FAM186A: variants seen among roughly 807,000 people sequenced by gnomAD.
FAM186A encodes the protein protein FAM186A.
In FAM186A, 163 loss-of-function variants were observed where a neutral mutation model predicts 216.8. That is an observed-to-expected ratio of 0.75 (90% CI 0.66 to 0.86). FAM186A has a LOEUF of 0.86. FAM186A is among the 40% of genes least tolerant of loss of function. The probability of loss-of-function intolerance (pLI) is 0.00; values close to 1 mark genes in which losing one functional copy is unlikely to be tolerated. For missense variants in FAM186A, 2,184 were observed against 2,746.2 expected (o/e 0.80, Z 4.58); for synonymous variants, 805 against 1,025.3 (o/e 0.79, Z 4.10).
In FAM186A at chr12:50,351,338, G is replaced by A. The variant is rs1380777623; in HGVS notation, c.5494C>T (p.Pro1832Ser). The part of the protein sequence containing the change: ...PGQLPISRAP[P>S]TPGQPFIAGV... ...GCTATAAAGGGCTGCCCTGGAGTGG[G>A]AGGGGCCCGAGATATTGGGAGCTGC... The change falls in exon 4 of 8, where the codon CCC (proline) becomes TCC (serine). Residue 1832 changes from proline to serine, a missense_variant. By Grantham distance (74) the Pro-to-Ser change is moderately conservative. Around this residue, in one of 7 missense-constraint regions of FAM186A, gnomAD observed 721 missense variants for 816.4 expected, o/e 0.88. Coordinates refer to ENST00000327337, the MANE Select transcript of FAM186A (RefSeq NM_001145475.3). 58 of 1,494,150 alleles carry A rather than the reference G, an allele frequency of 3.9e-5. No homozygotes were observed. Among genetic ancestry groups the A allele is most frequent in the Non-Finnish European group, 4.9e-5 (55 of 1,123,700 alleles). The allele number at this position is 1,494,150 out of a possible 1,614,324, so 92.6% of individuals were successfully genotyped here. A position where few individuals can be genotyped will look rare whatever the true frequency, so the allele number is the denominator to read the frequency against.
chr12:50,385,733 T>C (rs1943296982), intron 1 of FAM186A, among the ~76,000 whole-genome samples: 1 of 151,730 alleles, frequency 6.6e-6, no homozygotes, highest in Non-Finnish European at 1.5e-5. Context: ...AAACCCCGTC[T>C]CTACTAAAAA....
intron 1 of FAM186A, among the ~76,000 whole-genome samples, chr12:50,376,931 T>C (rs1400931555): frequency 6.6e-6 from 1 of 151,922 alleles, no homozygotes. Flanking sequence ...TTATTTTTTT[T>C]AGAGATGGGA....
At chr12:50,328,025 T>C (rs74090105) in intron 7 of FAM186A, among the ~76,000 whole-genome samples, 1 of 152,338 alleles carries the variant, frequency 6.6e-6, no homozygotes, top group African/African-American at 2.4e-5. Flanking sequence ...GACCTGTCTG[T>C]ATTTTTTAAA....
In FAM186A at chr12:50,353,072, TG is replaced by T. The variant is rs1942922252; in HGVS notation, c.3759del (p.Thr1254LeufsTer278). ...LTPQQAQALG[I>X]TLTPKQVQEL... ...TCCTGAACCTGCTTAGGGGTGAGAG[TG>T]ATTCCGAGAGCCTGCGCCTGCTGAG... is the stretch of plus-strand genomic sequence containing the variant. On this transcript the variant is annotated frameshift_variant, in exon 4 of 8. Coordinates refer to ENST00000327337, the MANE Select transcript of FAM186A (RefSeq NM_001145475.3). LOFTEE classifies it high-confidence loss of function. 1 of 1,438,354 alleles carries T rather than the reference TG, an allele frequency of 7.0e-7. No homozygotes were observed. Among genetic ancestry groups the T allele is most frequent in the South Asian group, 1.3e-5 (1 of 78,742 alleles). The allele number at this position is 1,438,354 out of a possible 1,614,324, so 89.1% of individuals were successfully genotyped here.
intron 1 of FAM186A, among the ~76,000 whole-genome samples, chr12:50,378,616 TTGTA>T (rs1943224130): frequency 1.6e-4 from 1 of 6,410 alleles, no homozygotes; most frequent in African/African-American, 1.9e-4. Flanking sequence ...CATATGTAAA[TTGTA>T]TATATATATA....
Position 50,353,681 on chromosome 12 carries a change from G to A in FAM186A, c.3151C>T (p.Pro1051Ser). Reference protein sequence around the residue: ...DEKEPISITPPPSLQYSLPGA... With the variant: ...DEKEPISITPSPSLQYSLPGA... ...GGCAGGGAGTATTGTAGGGAGGGGG[G>A]AGGTGTGATTGATATGGGCTCCTTT... Residue 1051 changes from proline (P) to serine (S), a missense_variant, in exon 4 of 8, where the codon CCC (proline) becomes TCC (serine). Around this residue, in one of 7 missense-constraint regions of FAM186A, gnomAD observed 1,132 missense variants for 1,263.4 expected, o/e 0.90. Transcript: ENST00000327337. 2 of 1,538,368 alleles carry A rather than the reference G, an allele frequency of 1.3e-6. No individual in the cohort carries two copies. Among genetic ancestry groups the A allele is most frequent in the South Asian group, 1.2e-5 (1 of 81,380 alleles).
chr12:50,389,003 C>T (rs886696366), intron 1 of FAM186A, among the ~76,000 whole-genome samples: 1 of 151,174 alleles, frequency 6.6e-6, no homozygotes, highest in South Asian at 2.1e-4. Flanking sequence ...TGCAGTGACA[C>T]GAGATCGTGC....
chr12:50,340,089 C>T (rs1169647389), intron 4 of FAM186A, among the ~76,000 whole-genome samples: 5 of 151,974 alleles, frequency 3.3e-5, no homozygotes, highest in African/African-American at 7.3e-5. Flanking sequence ...CCACCCACCT[C>T]GGCCTCCCAA....
rs1456770982 is a variant in FAM186A, at chr12:50,354,196, CTCTGTTGTTCTTGCTT to C, written c.2620_2635del (p.Lys874AlafsTer54). 1 of 1,551,560 alleles carries C rather than the reference CTCTGTTGTTCTTGCTT, an allele frequency of 6.4e-7. No homozygotes were observed. The highest frequency in any genetic ancestry group is 8.7e-7 in the Non-Finnish European group (1 of 1,147,008). On this transcript the variant is annotated frameshift_variant, in exon 4 of 8. Transcript: ENST00000327337. LOFTEE classifies it high-confidence loss of function. ...CTCTTCTTCCTGCCACTGTTTCTGG[CTCTGTTGTTCTTGCTT>C]TCCCTCCTTCATCTGGAGCCATGCC...
In FAM186A at chr12:50,352,488, G is replaced by T; in HGVS notation, c.4344C>A (p.Thr1448=). 6.7e-7 allele frequency: 1 copy of T among 1,498,606 alleles called. No individual in the cohort carries two copies. Among genetic ancestry groups the T allele is most frequent in the East Asian group, 2.8e-5 (1 of 36,308 alleles). The allele number at this position is 1,498,606 out of a possible 1,614,324, so 92.8% of individuals were successfully genotyped here. A position where few individuals can be genotyped will look rare whatever the true frequency, so the allele number is the denominator to read the frequency against. The change falls in exon 4 of 8, where the codon ACC becomes ACA. Residue 1448 remains threonine, a synonymous_variant. Coordinates refer to ENST00000327337, the MANE Select transcript of FAM186A (RefSeq NM_001145475.3). Reference sequence around the variant, plus strand: ...TCCCCAGCTCCTGAGCCTGCTGAGCGGTGAGAGGCATCCCCAGGGCCTGGG... The same window carrying T: ...TCCCCAGCTCCTGAGCCTGCTGAGCTGTGAGAGGCATCCCCAGGGCCTGGG... ...QQAQALGMPL[T]AQQAQELGIT...
intron 4 of FAM186A, among the ~76,000 whole-genome samples, chr12:50,347,116 C>T (rs1483799305): frequency 6.6e-6 from 1 of 151,934 alleles, no homozygotes; most frequent in South Asian, 2.1e-4. Context: ...CTTAAAACAA[C>T]AAAAAAATTC....
In FAM186A at chr12:50,354,806, T is replaced by G. The variant is rs1187347270; in HGVS notation, c.2026A>C (p.Ile676Leu). The stretch of plus-strand genomic sequence containing the variant: ...ATTTTCTGTTTTAGGAAAGCCATTA[T>G]GGCTTCCTGAAATTCTTCGAGGTTA... ...QSNLEEFQEA[I>L]MAFLKQKIDN... Residue 676 changes from isoleucine to leucine, a missense_variant, in exon 4 of 8, where the codon ATA becomes CTA. Around this residue, in one of 7 missense-constraint regions of FAM186A, gnomAD observed 1,132 missense variants for 1,263.4 expected, o/e 0.90. Coordinates refer to ENST00000327337, the MANE Select transcript of FAM186A (RefSeq NM_001145475.3). The G allele has an allele frequency of 6.5e-7, 1 of 1,535,924 alleles. No individual in the cohort carries two copies. The highest frequency in any genetic ancestry group is 8.7e-7 in the Non-Finnish European group (1 of 1,143,352).
chr12:50,376,977 G>A (rs1053186311), intron 1 of FAM186A, among the ~76,000 whole-genome samples: 1 of 151,882 alleles, frequency 6.6e-6, no homozygotes, highest in African/African-American at 2.4e-5. Context: ...TGAAACTCCT[G>A]GGCTCAAATG....
At chr12:50,333,171 G>C (rs546227168) in intron 5 of FAM186A, among the ~76,000 whole-genome samples, 1 of 152,082 alleles carries the variant, frequency 6.6e-6, no homozygotes, top group African/African-American at 2.4e-5. Context: ...TAAATTAATC[G>C]ATTTTAAGGA....
At chr12:50,361,853 G>A (rs1187816195) in intron 2 of FAM186A, among the ~76,000 whole-genome samples, 1 of 152,136 alleles carries the variant, frequency 6.6e-6, no homozygotes, top group Non-Finnish European at 1.5e-5. Context: ...TTACCAGCAT[G>A]AGCCACCGCG....
At chr12:50,373,075 G>GAAAGAAAGAA (rs1277174258) in intron 1 of FAM186A, among the ~76,000 whole-genome samples, 1 of 141,602 alleles carries the variant, frequency 7.1e-6, no homozygotes, top group Non-Finnish European at 1.5e-5. Flanking sequence ...AAGAAAGAAA[G>GAAAGAAAGAA]AGAAAAGAAA....
intron 1 of FAM186A, among the ~76,000 whole-genome samples, chr12:50,372,451 G>A (rs1055420231): frequency 2.0e-4 from 30 of 151,750 alleles, no homozygotes; most frequent in African/African-American, 4.8e-4. Flanking sequence ...AAAATTAGCC[G>A]GGCATGGTGG....
chr12:50,388,105 G>A (rs973367198), intron 1 of FAM186A, among the ~76,000 whole-genome samples: 2 of 152,144 alleles, frequency 1.3e-5, no homozygotes, highest in African/African-American at 4.8e-5. Context: ...CCGTAGATAA[G>A]CAGCTTGACC....
At position 50,350,623 on chromosome 12, in the gene FAM186A, A is replaced by C; in HGVS notation, c.6209T>G (p.Phe2070Cys). ...TATCCAGGGCTTGTCTATAGGAGGG[A>C]ATCGGGATTTCTGGTACCATTCCAA... Reference protein sequence around the residue: ...SPLEWYQKSRFPPIDKPWILS... With the variant: ...SPLEWYQKSRCPPIDKPWILS... Residue 2070 changes from phenylalanine (F) to cysteine (C), a missense_variant, in exon 4 of 8, where the codon TTC (phenylalanine) becomes TGC (cysteine). By Grantham distance (205) the Phe-to-Cys change is radical. This residue lies in a region of FAM186A where 721 missense variants were observed against 816.4 expected (regional missense o/e 0.88). Transcript: ENST00000327337. 1 of 1,551,584 alleles carries C rather than the reference A, an allele frequency of 6.4e-7. No homozygotes were observed. Among genetic ancestry groups the C allele is most frequent in the Non-Finnish European group, 8.7e-7 (1 of 1,146,968 alleles).
Sources: gnomAD v4.1 joint callset for allele counts (sites outside exome capture counted in the v4.1 genomes callset) on GRCh38, gnomAD v4.1.1 for gene constraint, gnomAD v4.1.1 regional missense constraint, MANE v1.5 for transcripts, NCBI Gene and HGNC (gene_info 2026-07-23, HGNC 2026-07-21) for gene names.